The following LRP1B variants were observed in gnomAD, a reference collection of about 807,000 sequenced individuals.
LRP1B encodes LDL receptor related protein 1B, also known as low-density lipoprotein receptor-related protein 1B.
LRP1B carries 217 observed loss-of-function variants against 556.6 expected under a neutral mutation model. The observed-to-expected ratio is 0.39, with a 90% CI of 0.35 to 0.44. The LOEUF is 0.44. LRP1B is among the 20% of genes least tolerant of loss of function. LRP1B has a pLI of 1.00. For synonymous variants in LRP1B, 2,047 were observed against 1,865.8 expected (o/e 1.10, Z -2.50); for missense variants, 5,053 against 5,620.8 (o/e 0.90, Z 3.23).
At chr2:141,393,688 T>C (rs4468759) in intron 3 of LRP1B, among the ~76,000 whole-genome samples, 5 of 152,064 alleles carry the variant, frequency 3.3e-5, no homozygotes, top group Admixed American at 6.6e-5. Flanking sequence ...TTTAACAGTA[T>C]AATGTATACT....
chr2:142,119,906 T>A (rs1476122431), intron 1 of LRP1B, among the ~76,000 whole-genome samples: 1 of 152,134 alleles, frequency 6.6e-6, no homozygotes, highest in African/African-American at 2.4e-5. Flanking sequence ...GGGTGGTTAT[T>A]TCTGCCTCCG....
At chr2:141,587,474 A>G (rs1041817454) in intron 2 of LRP1B, among the ~76,000 whole-genome samples, 2 of 152,224 alleles carry the variant, frequency 1.3e-5, no homozygotes, top group African/African-American at 4.8e-5. Context: ...TTAAATAGCA[A>G]CTAGAACTAA....
intron 46 of LRP1B, among the ~76,000 whole-genome samples, chr2:140,534,795 A>AT (rs1434757529): frequency 6.6e-6 from 1 of 152,130 alleles, no homozygotes; most frequent in African/African-American, 2.4e-5. Context: ...CTCTGTATTG[A>AT]GTATATGTAG....
intron 62 of LRP1B, among the ~76,000 whole-genome samples, chr2:140,450,923 A>G (rs1207851377): frequency 6.6e-6 from 1 of 152,134 alleles, no homozygotes; most frequent in South Asian, 2.1e-4. Context: ...CTGCAGAGCT[A>G]CTTGGTTTTT....
chr2:141,269,397 T>G (rs1328888377), intron 3 of LRP1B, among the ~76,000 whole-genome samples: 2 of 152,144 alleles, frequency 1.3e-5, no homozygotes, highest in Non-Finnish European at 2.9e-5. Flanking sequence ...AGCATTTTTT[T>G]AAACTAATAG....
At chr2:141,171,575 A>C (rs892453202) in intron 7 of LRP1B, among the ~76,000 whole-genome samples, 4 of 149,512 alleles carry the variant, frequency 2.7e-5, no homozygotes, top group African/African-American at 9.8e-5. Flanking sequence ...GCTGATACAC[A>C]GTCTTCTGGA....
intron 7 of LRP1B, among the ~76,000 whole-genome samples, chr2:141,132,196 C>T (rs1311333096): frequency 1.3e-5 from 2 of 151,730 alleles, no homozygotes; most frequent in South Asian, 2.1e-4. Flanking sequence ...AAATTTAATC[C>T]CCAGTGTGGC....
At chr2:140,838,345 T>C (rs1691986046) in intron 31 of LRP1B, among the ~76,000 whole-genome samples, 1 of 152,204 alleles carries the variant, frequency 6.6e-6, no homozygotes, top group South Asian at 2.1e-4. Context: ...TTTTGTTCTA[T>C]CATTTTCCAC....
At chr2:141,469,946 T>C (rs1270910789) in intron 3 of LRP1B, among the ~76,000 whole-genome samples, 2 of 152,152 alleles carry the variant, frequency 1.3e-5, no homozygotes, top group East Asian at 1.9e-4. Context: ...CAGTAAATTG[T>C]TATTGTTCTA....
intron 41 of LRP1B, among the ~76,000 whole-genome samples, chr2:140,637,316 A>G (rs2105289988): frequency 6.6e-6 from 1 of 152,324 alleles, no homozygotes; most frequent in African/African-American, 2.4e-5. Context: ...TCCATGGTTT[A>G]TCTTCTGCTC....
intron 1 of LRP1B, among the ~76,000 whole-genome samples, chr2:141,891,141 CT>C (rs553550548): frequency 6.6e-6 from 1 of 151,754 alleles, no homozygotes; most frequent in Non-Finnish European, 1.5e-5. Context: ...TTTTCTTTTC[CT>C]TTTTTTTAAA....
intron 1 of LRP1B, among the ~76,000 whole-genome samples, chr2:141,875,662 C>A (rs72994959): frequency 6.6e-6 from 1 of 151,936 alleles, no homozygotes; most frequent in African/African-American, 2.4e-5. Flanking sequence ...AGAATGAAAG[C>A]GATTACTTAT....
At chr2:140,315,813 G>A (rs1041672547) in intron 82 of LRP1B, among the ~76,000 whole-genome samples, 28 of 152,090 alleles carry the variant, frequency 1.8e-4, no homozygotes, top group African/African-American at 6.5e-4. Flanking sequence ...ACATAGTATA[G>A]AGAAATGTTT....
intron 7 of LRP1B, among the ~76,000 whole-genome samples, chr2:141,079,723 C>T (rs554635566): frequency 2.0e-5 from 3 of 152,214 alleles, no homozygotes; most frequent in South Asian, 2.1e-4. Flanking sequence ...TGTTAGTGCA[C>T]TGGATTCAGG....
chr2:140,963,042 C>T (rs1021996092), intron 18 of LRP1B, among the ~76,000 whole-genome samples: 1 of 152,018 alleles, frequency 6.6e-6, no homozygotes, highest in South Asian at 2.1e-4. Flanking sequence ...ACATCAATGA[C>T]AAAATGTTAC....
chr2:140,776,082 C>A lies in LRP1B; in HGVS notation c.5500+16G>T. 1 of 1,539,882 alleles carries A rather than the reference C, an allele frequency of 6.5e-7. No individual in the cohort carries two copies. Among genetic ancestry groups the A allele is most frequent in the South Asian group, 1.2e-5 (1 of 82,110 alleles). ...ACGTATTCAAGACCTGGCACAAATT[C>A]ATTAGTGTGATTTACCTTGCTGTGC... On this transcript the variant is annotated intron_variant, in intron 33 of 90. Transcript: ENST00000389484.
intron 54 of LRP1B, 130 bp from the exon 55 acceptor site, chr2:140,502,004 T>C (rs1689219313): frequency 3.1e-6 from 2 of 649,962 alleles, no homozygotes; most frequent in South Asian, 6.1e-5. Context: ...ATAAAATCTT[T>C]TACATATTCA....
In LRP1B at chr2:140,358,105, A is replaced by G. The variant is rs767501822; in HGVS notation, c.11269T>C (p.Tyr3757His). The change falls in exon 74 of 91, where the codon TAT (tyrosine) becomes CAT (histidine). Residue 3757 changes from tyrosine to histidine, a missense_variant. This residue lies in a region of LRP1B where 599 missense variants were observed against 648.4 expected (regional missense o/e 0.92). Transcript: ENST00000389484. Reference sequence around the variant, plus strand: ...TCCTTTTTACAAGGCCTTGCTTTATATGTCAGCTTACCTATAGAGTCATAC... The same window carrying G: ...TCCTTTTTACAAGGCCTTGCTTTATGTGTCAGCTTACCTATAGAGTCATAC... ...DEDHCGGKLT[Y>H]KARPCKKDEF... 1.9e-6 allele frequency: 3 copies of G among 1,610,728 alleles called. No individual in the cohort carries two copies. Among genetic ancestry groups the G allele is most frequent in the East Asian group, 4.5e-5 (2 of 44,700 alleles).
intron 1 of LRP1B, among the ~76,000 whole-genome samples, chr2:142,095,390 T>C (rs1706324868): frequency 6.6e-6 from 1 of 151,882 alleles, no homozygotes; most frequent in Non-Finnish European, 1.5e-5. Flanking sequence ...CCATAGTTTA[T>C]AGTTCCCTAA....
Sources: allele counts gnomAD v4.1 joint callset (sites outside exome capture counted in the v4.1 genomes callset), GRCh38; gene constraint gnomAD v4.1.1; regional missense constraint gnomAD v4.1.1; transcripts MANE v1.5; gene names NCBI Gene and HGNC (gene_info 2026-07-23, HGNC 2026-07-21).